BMPR2: variants seen among roughly 807,000 people sequenced by gnomAD.
The protein encoded by BMPR2 is bone morphogenetic protein receptor type 2.
In BMPR2, 29 loss-of-function variants were observed where a neutral mutation model predicts 100.8. The observed-to-expected ratio is 0.29, with a 90% CI of 0.21 to 0.39. BMPR2 has a LOEUF of 0.39. BMPR2 is among the 10% of genes least tolerant of loss of function. The probability of loss-of-function intolerance (pLI) is 1.00; values close to 1 mark genes in which losing one functional copy is unlikely to be tolerated. For missense variants in BMPR2, 1,011 were observed against 1,274.5 expected, an observed-to-expected ratio of 0.79 and a Z score of 3.15; for synonymous variants, 382 against 442.3, an observed-to-expected ratio of 0.86 and a Z score of 1.71.
intron 2 of BMPR2, among the ~76,000 whole-genome samples, chr2:202,466,563 C>T (rs1692327178): frequency 2.0e-5 from 3 of 151,944 alleles, no homozygotes; most frequent in South Asian, 2.1e-4. Flanking sequence ...TGGGATTACA[C>T]GTGTGAGCCA....
chr2:202,404,276 CCACCTCCCTGGTT>C (rs1253078637), intron 1 of BMPR2, among the ~76,000 whole-genome samples: 1 of 150,560 alleles, frequency 6.6e-6, no homozygotes, highest in African/African-American at 2.4e-5. Flanking sequence ...ACTGCAACCT[CCACCTCCCTGGTT>C]CAAGCAATTC....
intron 1 of BMPR2, among the ~76,000 whole-genome samples, chr2:202,417,866 C>G (rs1691169120): frequency 6.6e-6 from 1 of 151,744 alleles, no homozygotes; most frequent in Non-Finnish European, 1.5e-5. Flanking sequence ...CTACAGGTGG[C>G]CGCCACCACG....
chr2:202,560,765 T>G lies in BMPR2; in HGVS notation c.*819T>G, dbSNP rs994053168. 1 of 152,642 alleles carries G rather than the reference T, an allele frequency of 6.6e-6. No homozygotes were observed. The highest frequency in any genetic ancestry group is 1.5e-5 in the Non-Finnish European group (1 of 68,030). 9.5% of individuals were successfully genotyped at this position (152,642 alleles called of 1,614,324 possible). ...CCTTCAAGGCATCTTAATAAACTTA[T>G]TTGCTTCTGGTTTTGGGAGTTCATA... On this transcript the variant is annotated 3_prime_UTR_variant, in exon 13 of 13. Coordinates refer to ENST00000374580, the MANE Select transcript of BMPR2 (RefSeq NM_001204.7).
At chr2:202,379,806 T>C (rs144845129) in intron 1 of BMPR2, among the ~76,000 whole-genome samples, 21 of 152,206 alleles carry the variant, frequency 1.4e-4, no homozygotes, top group Middle Eastern at 3.4e-3. Flanking sequence ...TTCTCACTTA[T>C]TGAGTTCTTG....
At chr2:202,524,596 C>A (rs1361592266) in intron 7 of BMPR2, among the ~76,000 whole-genome samples, 2 of 151,986 alleles carry the variant, frequency 1.3e-5, no homozygotes, top group Non-Finnish European at 2.9e-5. Flanking sequence ...CATGGTGAAA[C>A]CCTGTCTCTG....
At chr2:202,535,967 G>A (rs1266412789) in intron 9 of BMPR2, among the ~76,000 whole-genome samples, 4 of 150,654 alleles carry the variant, frequency 2.7e-5, no homozygotes, top group Admixed American at 1.3e-4. Flanking sequence ...GCAGGCACTC[G>A]GCAGGCTGAG....
intron 1 of BMPR2, among the ~76,000 whole-genome samples, chr2:202,404,040 T>C (rs1690828076): frequency 6.6e-6 from 1 of 151,980 alleles, no homozygotes; most frequent in Non-Finnish European, 1.5e-5. Flanking sequence ...TTAAGGGCTT[T>C]TACTTTCTAT....
rs140659948 is a variant in BMPR2 at position 202,377,542 on chromosome 2, C to G, written c.68C>G (p.Thr23Ser). ...WLPWTILLVS[T>S]AAASQNQERL... is the part of the protein sequence containing the mutation. The stretch of plus-strand genomic sequence containing the variant: ...CCATGGACCATCCTGCTGGTCAGCA[C>G]TGCGGCTGGTGAGTAGCTCCGGCCG... Residue 23 changes from threonine (T) to serine (S), a missense_variant, in exon 1 of 13, where the codon ACT (threonine) becomes AGT (serine). Thr to Ser is a moderately conservative substitution (Grantham distance 58). Around this residue, in one of 6 missense-constraint regions of BMPR2, gnomAD observed 355 missense variants for 455.3 expected, o/e 0.78. Transcript: ENST00000374580. 1.9e-6 allele frequency: 3 copies of G among 1,614,196 alleles called. No individual in the cohort carries two copies. The highest frequency in any genetic ancestry group is 1.6e-4 in the Middle Eastern group (1 of 6,062).
At chr2:202,547,865 C>T (rs1481576462) in intron 10 of BMPR2, among the ~76,000 whole-genome samples, 5 of 150,578 alleles carry the variant, frequency 3.3e-5, no homozygotes, top group Non-Finnish European at 4.4e-5. Flanking sequence ...GGGTGGATTG[C>T]TTGAGATCAG....
chr2:202,438,222 A>C (rs1180274343), intron 1 of BMPR2, among the ~76,000 whole-genome samples: 2 of 150,540 alleles, frequency 1.3e-5, no homozygotes, highest in African/African-American at 5.0e-5. Context: ...CTGAGGCAGG[A>C]GAATCGCTTG....
At chr2:202,378,091 C>G (rs1245516647) in intron 1 of BMPR2, among the ~76,000 whole-genome samples, 1 of 152,182 alleles carries the variant, frequency 6.6e-6, no homozygotes, top group Non-Finnish European at 1.5e-5. Flanking sequence ...GAAGCCAGAA[C>G]TGTGAGATTC....
At chr2:202,389,831 G>A (rs1690511531) in intron 1 of BMPR2, among the ~76,000 whole-genome samples, 1 of 151,606 alleles carries the variant, frequency 6.6e-6, no homozygotes, top group Admixed American at 6.6e-5. Context: ...AGTAGAGATG[G>A]GTTTTTCCAT....
chr2:202,389,760 G>C (rs1403749669), intron 1 of BMPR2, among the ~76,000 whole-genome samples: 1 of 151,156 alleles, frequency 6.6e-6, no homozygotes, highest in Non-Finnish European at 1.5e-5. Flanking sequence ...TCCTGCCTCA[G>C]CCTCCCGAGT....
chr2:202,551,380 C>T (rs936811726), intron 10 of BMPR2, among the ~76,000 whole-genome samples: 7 of 151,128 alleles, frequency 4.6e-5, no homozygotes, highest in East Asian at 2.0e-4. Context: ...AAAAAACAGC[C>T]GGGCGTGGTG....
chr2:202,522,182 A>G (rs1025942790), intron 7 of BMPR2, among the ~76,000 whole-genome samples: 2 of 150,874 alleles, frequency 1.3e-5, no homozygotes, highest in South Asian at 2.1e-4. Context: ...AACGAAAGAA[A>G]AAGAACTTCA....
In BMPR2 at chr2:202,532,661, A is replaced by G; in HGVS notation, c.1205A>G (p.Lys402Arg). The change falls in exon 9 of 13, where the codon AAA becomes AGA. Residue 402 changes from lysine (K) to arginine (R), a missense_variant. Around this residue, in one of 6 missense-constraint regions of BMPR2, gnomAD observed 83 missense variants for 140.7 expected, o/e 0.59. Coordinates refer to ENST00000374580, the MANE Select transcript of BMPR2 (RefSeq NM_001204.7). The surrounding 1 kb of genome is among the most constrained non-coding windows in gnomAD (Gnocchi z 4.1). Reference sequence around the variant, plus strand: ...TTGAGGGACTGTGAATCAGCTTTGAAACAAGTAGACATGTATGCTCTTGGA... The same window carrying G: ...TTGAGGGACTGTGAATCAGCTTTGAGACAAGTAGACATGTATGCTCTTGGA... ...VNLRDCESAL[K>R]QVDMYALGLI... The G allele has an allele frequency of 6.2e-7, 1 of 1,613,898 alleles. No individual in the cohort carries two copies. Among genetic ancestry groups the G allele is most frequent in the Non-Finnish European group, 8.5e-7 (1 of 1,179,880 alleles).
chr2:202,420,537 ATTTTTTTT>A (rs10555458), intron 1 of BMPR2, among the ~76,000 whole-genome samples: 50 of 59,014 alleles, frequency 8.5e-4, no homozygotes, highest in Non-Finnish European at 1.3e-3. Flanking sequence ...TAGAAGCATG[ATTTTTTTT>A]TTTTTTTTTT....
rs112319224 is a variant in BMPR2, at chr2:202,405,970, C to T, written c.76+28420C>T. Among the ~76,000 whole-genome samples the T allele has an allele frequency of 3.8e-3, 575 of 152,124 alleles. 4 individuals carry two copies. The highest frequency in any genetic ancestry group is 0.012 in the African/African-American group (479 of 41,564). On this transcript the variant is annotated intron_variant, in intron 1 of 12. Coordinates refer to ENST00000374580, the MANE Select transcript of BMPR2 (RefSeq NM_001204.7). ...ATTATACAGTCATTTTGTAGTTGCA[C>T]TTGCATGTGTAGTTTGTTTTTGCTA... is the stretch of plus-strand genomic sequence containing the variant.
At chr2:202,506,365 C>T (rs1270614452) in intron 3 of BMPR2, among the ~76,000 whole-genome samples, 1 of 151,974 alleles carries the variant, frequency 6.6e-6, no homozygotes, top group Non-Finnish European at 1.5e-5. Context: ...GCCATGTTGG[C>T]CAGCCTGGTC....
Sources: allele counts gnomAD v4.1 joint callset (sites outside exome capture counted in the v4.1 genomes callset), GRCh38; gene constraint gnomAD v4.1.1; regional missense constraint gnomAD v4.1.1; non-coding constraint Gnocchi (gnomAD v3.1); transcripts MANE v1.5; gene names NCBI Gene and HGNC (gene_info 2026-07-23, HGNC 2026-07-21).